EYA3: variants seen among roughly 807,000 people sequenced by gnomAD.
The protein encoded by EYA3 is protein phosphatase EYA3.
In EYA3, 39 loss-of-function variants were observed where a neutral mutation model predicts 80.0. That is an observed-to-expected ratio of 0.49 (90% CI 0.38 to 0.64). EYA3 has a LOEUF of 0.64. EYA3 is among the 30% of genes least tolerant of loss of function. EYA3 has a pLI of 0.00. For synonymous variants in EYA3, 206 were observed against 232.8 expected (o/e 0.88, Z 1.05); for missense variants, 523 against 676.1 (o/e 0.77, Z 2.51).
chr1:27,977,221 G>A (rs1422771701), intron 17 of EYA3: 3 of 1,517,604 alleles, frequency 2.0e-6, no homozygotes, highest in Admixed American at 2.3e-5. Flanking sequence ...AAGGATCCCT[G>A]AATTGCTACA....
At chr1:28,043,676 A>G (rs572366961) in intron 3 of EYA3, among the ~76,000 whole-genome samples, 2 of 152,260 alleles carry the variant, frequency 1.3e-5, no homozygotes, top group Admixed American at 6.5e-5. Flanking sequence ...CGTCTCTACT[A>G]AAAATACAAA....
intron 1 of EYA3, among the ~76,000 whole-genome samples, chr1:28,085,822 A>G (rs889215467): frequency 2.6e-5 from 4 of 152,194 alleles, no homozygotes; most frequent in African/African-American, 9.7e-5. Flanking sequence ...TCAGGCTTGA[A>G]GATCAGCAGC....
In EYA3 at chr1:27,972,918, A is replaced by T. The variant is rs1478255064; in HGVS notation, c.*1548T>A. ...ATGCAGTACTCTCATTTAAATCAGG[A>T]AAGTCTGGCTGGGTGCAGTGGCTCA... On this transcript the variant is annotated 3_prime_UTR_variant, in exon 18 of 18. Coordinates refer to ENST00000373871, the MANE Select transcript of EYA3 (RefSeq NM_001990.4). 6.6e-6 allele frequency: 1 copy of T among 152,286 alleles called. No individual in the cohort carries two copies. The highest frequency in any genetic ancestry group is 1.5e-5 in the Non-Finnish European group (1 of 68,124). 9.4% of individuals were successfully genotyped at this position (152,286 alleles called of 1,614,324 possible). A position where few individuals can be genotyped will look rare whatever the true frequency, so the allele number is the denominator to read the frequency against.
intron 16 of EYA3, among the ~76,000 whole-genome samples, chr1:27,985,197 C>T (rs1639569124): frequency 6.6e-6 from 1 of 152,068 alleles, no homozygotes; most frequent in Non-Finnish European, 1.5e-5. Context: ...CCCACCTCAG[C>T]CTCCCAAGTA....
At chr1:28,049,603 G>T (rs908635633) in intron 2 of EYA3, among the ~76,000 whole-genome samples, 1 of 152,084 alleles carries the variant, frequency 6.6e-6, no homozygotes, top group Non-Finnish European at 1.5e-5. Context: ...AAAACAACCA[G>T]GAGGTTGAGG....
At chr1:28,042,488 A>C (rs1439825345) in intron 4 of EYA3, 83 bp downstream of exon 4, 5 of 1,221,110 alleles carry the variant, frequency 4.1e-6, no homozygotes, top group South Asian at 2.5e-5. Context: ...CAAACAAGGC[A>C]ATTACGAAAA....
Position 27,989,827 on chromosome 1 carries a change from C to G in EYA3, c.1304-16G>C, listed in dbSNP as rs369265500. On this transcript the variant is annotated splice_polypyrimidine_tract_variant and intron_variant, in intron 14 of 17. Coordinates refer to ENST00000373871, the MANE Select transcript of EYA3 (RefSeq NM_001990.4). ...CTGAGGAGACCTTTAGGAATAAAAG[C>G]AGACACATTTATCATTTGACAACAT... 1 of 1,501,468 alleles carries G rather than the reference C, an allele frequency of 6.7e-7. No individual in the cohort carries two copies. The highest frequency in any genetic ancestry group is 9.1e-7 in the Non-Finnish European group (1 of 1,094,608). The allele number at this position is 1,501,468 out of a possible 1,614,324, so 93.0% of individuals were successfully genotyped here. A position where few individuals can be genotyped will look rare whatever the true frequency, so the allele number is the denominator to read the frequency against.
intron 6 of EYA3, among the ~76,000 whole-genome samples, chr1:28,034,903 CA>C (rs1190475860): frequency 1.3e-5 from 2 of 152,110 alleles, no homozygotes; most frequent in Non-Finnish European, 2.9e-5. Flanking sequence ...TGCATTTACA[CA>C]CATAGAAAAA....
At chr1:27,999,929 G>A (rs1353047823) in intron 12 of EYA3, 31 bp downstream of exon 12, 2 of 1,445,108 alleles carry the variant, frequency 1.4e-6, no homozygotes, top group African/African-American at 1.4e-5. Flanking sequence ...AAGTGTCTCA[G>A]TGAAGCACAG....
intron 1 of EYA3, among the ~76,000 whole-genome samples, chr1:28,065,474 T>C (rs893477943): frequency 1.3e-5 from 2 of 151,726 alleles, no homozygotes; most frequent in Non-Finnish European, 2.9e-5. Flanking sequence ...GGTTTCAGCA[T>C]GTTGACCAGG....
chr1:28,038,888 A>G lies in EYA3; in HGVS notation c.175T>C (p.Tyr59His). The change falls in exon 5 of 18, where the codon TAC becomes CAC. Residue 59 changes from tyrosine (Y) to histidine (H), a missense_variant. Tyr to His is a moderately conservative substitution (Grantham distance 83). Coordinates refer to ENST00000373871, the MANE Select transcript of EYA3 (RefSeq NM_001990.4). ...TAATCATTGGATGAGCGAGGGATGT[A>G]ATCGGTGCATGTCATAACTGAAAGA... ...MSEEIMTCTD[Y>H]IPRSSNDYTS... 6.2e-7 allele frequency: 1 copy of G among 1,600,632 alleles called. No homozygotes were observed. Among genetic ancestry groups the G allele is most frequent in the Non-Finnish European group, 8.5e-7 (1 of 1,171,516 alleles).
intron 17 of EYA3, chr1:27,977,071 A>G: frequency 1.0e-6 from 1 of 985,146 alleles, no homozygotes; most frequent in Non-Finnish European, 1.2e-6. Flanking sequence ...AGAGTTACCA[A>G]CTCTGCTGAT....
Position 27,974,465 on chromosome 1 carries a change from C to T in EYA3, c.*1G>A, listed in dbSNP as rs141724820. 1.6e-4 allele frequency: 256 copies of T among 1,611,908 alleles called. No homozygotes were observed. Among genetic ancestry groups the T allele is most frequent in the Non-Finnish European group, 2.0e-4 (240 of 1,178,456 alleles). ...AAGGGGAAGGCTCCTCATTCCAGTT[C>T]TTAGAGAAAATCAAGCTCTAAAGCC... On this transcript the variant is annotated 3_prime_UTR_variant, in exon 18 of 18. Coordinates refer to ENST00000373871, the MANE Select transcript of EYA3 (RefSeq NM_001990.4).
In EYA3 at chr1:28,013,005, T is replaced by C. The variant is rs2148793542; in HGVS notation, c.769+106A>G. 1 of 1,241,764 alleles carries C rather than the reference T, an allele frequency of 8.1e-7. No homozygotes were observed. The highest frequency in any genetic ancestry group is 1.1e-6 in the Non-Finnish European group (1 of 889,422). 76.9% of individuals were successfully genotyped at this position (1,241,764 alleles called of 1,614,324 possible). On this transcript the variant is annotated intron_variant, in intron 9 of 17. Coordinates refer to ENST00000373871, the MANE Select transcript of EYA3 (RefSeq NM_001990.4). The surrounding 1 kb of genome is among the most constrained non-coding windows in gnomAD (Gnocchi z 4.0). The stretch of plus-strand genomic sequence containing the variant: ...CACCTCAGAGGGAAAGCCAAAAGCA[T>C]GGTAACAATGACTTAAGACAGAACA...
chr1:28,018,228 AAG>A (rs1230818285), intron 7 of EYA3, among the ~76,000 whole-genome samples: 1 of 152,118 alleles, frequency 6.6e-6, no homozygotes, highest in African/African-American at 2.4e-5. Flanking sequence ...AAAAAAAAGA[AAG>A]AAAATGCTGA....
intron 3 of EYA3, among the ~76,000 whole-genome samples, chr1:28,045,229 G>A (rs566989372): frequency 6.6e-6 from 1 of 152,278 alleles, no homozygotes; most frequent in African/African-American, 2.4e-5. Context: ...AAATTGAAGG[G>A]TAAGGGCAAG....
intron 4 of EYA3, among the ~76,000 whole-genome samples, chr1:28,041,185 G>A (rs556551740): frequency 6.6e-6 from 1 of 151,998 alleles, no homozygotes; most frequent in East Asian, 1.9e-4. Context: ...CCAACATGGT[G>A]AAACCCCATC....
At chr1:28,082,567 C>G (rs1471820513) in intron 1 of EYA3, among the ~76,000 whole-genome samples, 1 of 152,084 alleles carries the variant, frequency 6.6e-6, no homozygotes, top group African/African-American at 2.4e-5. Context: ...TGAATGTACT[C>G]TAAACATGAT....
intron 7 of EYA3, among the ~76,000 whole-genome samples, chr1:28,018,221 A>G (rs976666912): frequency 1.3e-5 from 2 of 152,148 alleles, no homozygotes; most frequent in African/African-American, 4.8e-5. Context: ...AAAAAAGAAA[A>G]AAAAGAAAGA....
Sources: allele counts gnomAD v4.1 joint callset (sites outside exome capture counted in the v4.1 genomes callset), GRCh38; gene constraint gnomAD v4.1.1; non-coding constraint Gnocchi (gnomAD v3.1); transcripts MANE v1.5; gene names NCBI Gene and HGNC (gene_info 2026-07-23, HGNC 2026-07-21).